CPB2: variants seen among roughly 807,000 people sequenced by gnomAD.
CPB2 encodes carboxypeptidase B-like protein.
A neutral mutation model predicts 57.0 loss-of-function variants in CPB2; 54 were observed. The ratio of observed to expected loss-of-function variants is 0.95; its 90% CI spans 0.76 to 1.19. CPB2 has a LOEUF of 1.19. Among genes scored for constraint, CPB2 ranks in the 50% most tolerant of loss-of-function variants. The probability of loss-of-function intolerance (pLI) is 0.00; values close to 1 mark genes in which losing one functional copy is unlikely to be tolerated. For synonymous variants in CPB2, 189 were observed against 178.1 expected, an observed-to-expected ratio of 1.06 and a Z score of -0.49; for missense variants, 426 against 512.0, an observed-to-expected ratio of 0.83 and a Z score of 1.62.
intron 1 of CPB2, chr13:46,099,143 C>T (rs1252245134): frequency 6.6e-6 from 1 of 152,098 alleles, no homozygotes; most frequent in Non-Finnish European, 1.5e-5. Context: ...CTAACATAGG[C>T]AGAATTTTGC....
intron 8 of CPB2, among the ~76,000 whole-genome samples, chr13:46,059,590 A>G (rs1467325595): frequency 1.3e-5 from 2 of 148,976 alleles, no homozygotes; most frequent in South Asian, 2.1e-4. Flanking sequence ...CATCATCATC[A>G]TCATCATCAT....
chr13:46,064,134 G>A (rs2044817258), intron 8 of CPB2, among the ~76,000 whole-genome samples: 2 of 151,980 alleles, frequency 1.3e-5, no homozygotes, highest in Non-Finnish European at 2.9e-5. Context: ...GGTGGCATAT[G>A]CCTGTAGTCC....
At chr13:46,100,759 C>T (rs1379647688) in intron 1 of CPB2, 2 of 151,904 alleles carry the variant, frequency 1.3e-5, no homozygotes, top group Non-Finnish European at 1.5e-5. Flanking sequence ...AATAGGGCCA[C>T]CTAAAGGGAT....
chr13:46,060,717 G>A (rs2044760642), intron 8 of CPB2, among the ~76,000 whole-genome samples: 1 of 152,156 alleles, frequency 6.6e-6, no homozygotes, highest in South Asian at 2.1e-4. Context: ...TGGACAGTGA[G>A]CCTCAGATTC....
chr13:46,099,148 T>G (rs764997395), intron 1 of CPB2: 3 of 152,130 alleles, frequency 2.0e-5, no homozygotes, highest in Non-Finnish European at 2.9e-5. Context: ...ATAGGCAGAA[T>G]TTTGCTAAAC....
At chr13:46,090,362 C>CTTT (rs11458090) in intron 1 of CPB2, among the ~76,000 whole-genome samples, 4 of 125,814 alleles carry the variant, frequency 3.2e-5, no homozygotes, top group Non-Finnish European at 4.9e-5. Context: ...TTTGTCTATT[C>CTTT]TTTTTTTTTT....
At position 46,056,509 on chromosome 13, in the gene CPB2, C is replaced by T. The variant is rs543310539; in HGVS notation, c.1000-660G>A. ...CTAGCATCATGGTATACACTGTCACCTTCTTGAAAAACTCAAGAGATTTAT... is the reference window on the plus strand; with the variant it reads ...CTAGCATCATGGTATACACTGTCACTTTCTTGAAAAACTCAAGAGATTTAT... On this transcript the variant is annotated intron_variant, in intron 9 of 10. Coordinates refer to ENST00000181383, the MANE Select transcript of CPB2 (RefSeq NM_001872.5). 6.6e-5 allele frequency among the ~76,000 whole-genome samples: 10 copies of T among 152,300 alleles called. No individual in the cohort carries two copies. The East Asian group carries it at 1.5e-3, about 23-fold the overall frequency.
intron 6 of CPB2, among the ~76,000 whole-genome samples, chr13:46,068,664 G>T (rs1033900861): frequency 6.6e-6 from 1 of 152,030 alleles, no homozygotes; most frequent in Non-Finnish European, 1.5e-5. Flanking sequence ...TCTACATTAG[G>T]TATTTCTCCT....
rs2044617568 is a variant in CPB2 at position 46,053,591 on chromosome 13, G to A, written c.*23C>T. 6.3e-7 allele frequency: 1 copy of A among 1,599,328 alleles called. No individual in the cohort carries two copies. Among genetic ancestry groups the A allele is most frequent in the Non-Finnish European group, 8.6e-7 (1 of 1,169,410 alleles). On this transcript the variant is annotated 3_prime_UTR_variant, in exon 11 of 11. Transcript: ENST00000181383. ...GGAATCAGTAAATTAAAATACGGAAGCAGAATGATAAAATCAGGGGCATTA... is the reference window on the plus strand; with the variant it reads ...GGAATCAGTAAATTAAAATACGGAAACAGAATGATAAAATCAGGGGCATTA...
At position 46,055,842 on chromosome 13, in the gene CPB2, A is replaced by G; in HGVS notation, c.1007T>C (p.Val336Ala). The change falls in exon 10 of 11, where the codon GTA becomes GCA. Residue 336 changes from valine (V) to alanine (A), a missense_variant. By Grantham distance (64) the Val-to-Ala change is moderately conservative. Coordinates refer to ENST00000181383, the MANE Select transcript of CPB2 (RefSeq NM_001872.5). Reference sequence around the variant, plus strand: ...AATAGCACGAACTGCTTCACTGGCTACTAGAGACTGGAAGCAACAAGATAT... The same window carrying G: ...AATAGCACGAACTGCTTCACTGGCTGCTAGAGACTGGAAGCAACAAGATAT... Reference protein sequence around the residue: ...KSKDHEELSLVASEAVRAIEK... With the variant: ...KSKDHEELSLAASEAVRAIEK... 1.3e-6 allele frequency: 2 copies of G among 1,584,264 alleles called. No individual in the cohort carries two copies. Among genetic ancestry groups the G allele is most frequent in the Non-Finnish European group, 1.7e-6 (2 of 1,159,450 alleles).
chr13:46,064,515 A>C lies in CPB2; in HGVS notation c.796+133T>G, dbSNP rs1028086257. The C allele has an allele frequency of 7.1e-6, 5 of 703,498 alleles. No individual in the cohort carries two copies. In the African/African-American group the frequency reaches 8.9e-5, roughly 13 times the overall value. 43.6% of individuals were successfully genotyped at this position (703,498 alleles called of 1,614,324 possible). A position where few individuals can be genotyped will look rare whatever the true frequency, so the allele number is the denominator to read the frequency against. ...ACAGTCGCAGCATTACATTTACCTA[A>C]GCATTTATCATTTAAATTATTCCCT... is the stretch of plus-strand genomic sequence containing the variant. On this transcript the variant is annotated intron_variant, in intron 8 of 10. Transcript: ENST00000181383.
intron 1 of CPB2, among the ~76,000 whole-genome samples, chr13:46,101,945 A>G (rs1220124751): frequency 6.6e-6 from 1 of 152,242 alleles, no homozygotes; most frequent in Non-Finnish European, 1.5e-5. Context: ...TTTTGAATTT[A>G]AAAAGCTGGC....
intron 2 of CPB2, among the ~76,000 whole-genome samples, chr13:46,087,196 G>A (rs754342389): frequency 3.9e-5 from 6 of 152,192 alleles, no homozygotes; most frequent in Non-Finnish European, 5.9e-5. Context: ...TGAGGCTGCC[G>A]CCCTGCCATC....
intron 8 of CPB2, among the ~76,000 whole-genome samples, chr13:46,064,072 A>C (rs2044816289): frequency 6.6e-6 from 1 of 152,060 alleles, no homozygotes; most frequent in Non-Finnish European, 1.5e-5. Flanking sequence ...AGCCTGGCCA[A>C]CATGGTGAAA....
chr13:46,084,095 A>G, intron 3 of CPB2, 124 bp downstream of exon 3: 1 of 1,208,658 alleles, frequency 8.3e-7, no homozygotes, highest in Non-Finnish European at 1.2e-6. Flanking sequence ...TGGTCCAGTC[A>G]GAGACTTCTA....
intron 6 of CPB2, among the ~76,000 whole-genome samples, chr13:46,067,831 G>T (rs1202322291): frequency 6.6e-6 from 1 of 152,144 alleles, no homozygotes; most frequent in Non-Finnish European, 1.5e-5. Context: ...CATGATATTG[G>T]CTACATTGTC....
intron 6 of CPB2, among the ~76,000 whole-genome samples, chr13:46,072,631 TG>T (rs1301997098): frequency 6.6e-6 from 1 of 152,064 alleles, no homozygotes; most frequent in African/African-American, 2.4e-5. Context: ...GCAAGCAGTT[TG>T]GGTAGAGGGT....
chr13:46,092,824 T>C (rs1032752459), intron 1 of CPB2, among the ~76,000 whole-genome samples: 3 of 152,206 alleles, frequency 2.0e-5, no homozygotes, highest in Non-Finnish European at 4.4e-5. Context: ...AATTTGGACT[T>C]TATCTTGTAG....
intron 7 of CPB2, among the ~76,000 whole-genome samples, chr13:46,065,063 T>A (rs1440727365): frequency 6.6e-6 from 1 of 152,218 alleles, no homozygotes; most frequent in Non-Finnish European, 1.5e-5. Context: ...TCTTGTTTCC[T>A]TTACATTAAT....
Sources: allele counts gnomAD v4.1 joint callset (sites outside exome capture counted in the v4.1 genomes callset), GRCh38; gene constraint gnomAD v4.1.1; transcripts MANE v1.5; gene names NCBI Gene and HGNC (gene_info 2026-07-23, HGNC 2026-07-21).